Variants in ZBTB46 observed in about 807,000 individuals in gnomAD.
The protein encoded by ZBTB46 is zinc finger and BTB domain-containing protein 46.
In ZBTB46, 8 loss-of-function variants were observed where a neutral mutation model predicts 44.1. That is an observed-to-expected ratio of 0.18 (90% CI 0.11 to 0.33). The LOEUF is 0.33. ZBTB46 is among the 10% of genes least tolerant of loss of function. ZBTB46 has a pLI of 1.00. For missense variants in ZBTB46, 651 were observed against 847.7 expected (o/e 0.77, Z 2.88); for synonymous variants, 409 against 382.3 (o/e 1.07, Z -0.81).
At chr20:63,789,752 C>T (rs1411478944) in intron 2 of ZBTB46, 69 bp downstream of exon 2, 4 of 1,538,272 alleles carry the variant, frequency 2.6e-6, no homozygotes, top group African/African-American at 1.4e-5. Flanking sequence ...ACTGCCTCCG[C>T]ACAGCACGCG....
At chr20:63,813,732 A>T (rs1489526058) in intron 1 of ZBTB46, among the ~76,000 whole-genome samples, 1 of 152,160 alleles carries the variant, frequency 6.6e-6, no homozygotes, top group Non-Finnish European at 1.5e-5. Context: ...CAGGGACATC[A>T]CCACCCACAA....
At chr20:63,822,430 C>T (rs2092797393) in intron 1 of ZBTB46, among the ~76,000 whole-genome samples, 2 of 152,174 alleles carry the variant, frequency 1.3e-5, no homozygotes, top group East Asian at 3.8e-4. Flanking sequence ...AAAACCCAGC[C>T]CTGGGACTGA....
At chr20:63,807,710 T>C (rs976096308) in intron 1 of ZBTB46, among the ~76,000 whole-genome samples, 3 of 152,262 alleles carry the variant, frequency 2.0e-5, no homozygotes, top group Non-Finnish European at 4.4e-5. Context: ...ATAGAATCCC[T>C]AACCAGTTAC....
At chr20:63,806,365 T>C (rs1388347480) in intron 1 of ZBTB46, among the ~76,000 whole-genome samples, 3 of 141,892 alleles carry the variant, frequency 2.1e-5, no homozygotes, top group Non-Finnish European at 4.5e-5. Context: ...CGAGAACATA[T>C]CACTGCACTC....
chr20:63,783,199 G>A (rs1311388166), intron 2 of ZBTB46, among the ~76,000 whole-genome samples: 5 of 152,156 alleles, frequency 3.3e-5, no homozygotes, highest in Admixed American at 2.0e-4. Context: ...GGAGGCTGAG[G>A]TGGGTGGATC....
intron 3 of ZBTB46, among the ~76,000 whole-genome samples, chr20:63,763,391 T>C (rs1316727681): frequency 2.0e-5 from 3 of 152,220 alleles, no homozygotes; most frequent in Non-Finnish European, 2.9e-5. Context: ...AGAGGTTTGA[T>C]TGGCTCACGG....
chr20:63,817,093 G>A (rs1056013228), intron 1 of ZBTB46, among the ~76,000 whole-genome samples: 1 of 149,332 alleles, frequency 6.7e-6, no homozygotes, highest in African/African-American at 2.5e-5. Context: ...CAACAAGAGC[G>A]AAACTCAGTC....
chr20:63,766,884 G>A (rs1157199884), intron 3 of ZBTB46, among the ~76,000 whole-genome samples: 1 of 152,194 alleles, frequency 6.6e-6, no homozygotes, highest in Non-Finnish European at 1.5e-5. Context: ...TGGCCTGGGA[G>A]CGGGCTCCCC....
chr20:63,799,141 C>A (rs2092625155), intron 1 of ZBTB46, among the ~76,000 whole-genome samples: 1 of 151,492 alleles, frequency 6.6e-6, no homozygotes, highest in African/African-American at 2.4e-5. Flanking sequence ...AGCAATTCTC[C>A]CACCTCAGCC....
intron 1 of ZBTB46, among the ~76,000 whole-genome samples, chr20:63,830,879 C>G (rs1212321912): frequency 7.0e-6 from 1 of 142,448 alleles, no homozygotes; most frequent in African/African-American, 2.5e-5. Flanking sequence ...GGGGGCCGGG[C>G]CGGGGTCTCC....
intron 3 of ZBTB46, among the ~76,000 whole-genome samples, chr20:63,762,965 C>G (rs2092290431): frequency 6.6e-6 from 1 of 152,076 alleles, no homozygotes; most frequent in African/African-American, 2.4e-5. Context: ...GGGCTCAAGT[C>G]ATCTCCTGCC....
At chr20:63,801,652 G>GT (rs1395146267) in intron 1 of ZBTB46, among the ~76,000 whole-genome samples, 6 of 152,142 alleles carry the variant, frequency 3.9e-5, no homozygotes, top group Non-Finnish European at 7.3e-5. Context: ...CTTCACTCCT[G>GT]AAGCCAGCCA....
At chr20:63,771,095 C>T (rs1199262907) in intron 3 of ZBTB46, among the ~76,000 whole-genome samples, 1 of 152,144 alleles carries the variant, frequency 6.6e-6, no homozygotes, top group Non-Finnish European at 1.5e-5. Context: ...CCCTCCCAGG[C>T]CCTCTTCAGA....
chr20:63,788,067 T>A (rs1018331192), intron 2 of ZBTB46: 1 of 152,382 alleles, frequency 6.6e-6, no homozygotes, highest in African/African-American at 2.4e-5. Context: ...GGCTTCATCC[T>A]GGAGGAACCT....
In ZBTB46 at chr20:63,767,487, C is replaced by T. The variant is rs2092330166; in HGVS notation, c.1222+8191G>A. Among the ~76,000 whole-genome samples the T allele has an allele frequency of 6.6e-6, 1 of 152,174 alleles. No homozygotes were observed. The highest frequency in any genetic ancestry group is 6.5e-5 in the Admixed American group (1 of 15,280). ...ACAGCTCTCCGCAGATATCCCCCTC[C>T]GACGCGGCTGTTCGGTCACCCAGTT... On this transcript the variant is annotated intron_variant, in intron 3 of 4. Coordinates refer to ENST00000245663, the MANE Select transcript of ZBTB46 (RefSeq NM_001369741.1). The surrounding 1 kb of genome is among the most constrained non-coding windows in gnomAD (Gnocchi z 5.0).
intron 1 of ZBTB46, among the ~76,000 whole-genome samples, chr20:63,823,200 G>A (rs2092802090): frequency 6.7e-6 from 1 of 150,092 alleles, no homozygotes; most frequent in African/African-American, 2.5e-5. Flanking sequence ...AATAAAAATG[G>A]GAACAAAAGG....
chr20:63,780,966 TAAA>T (rs59209531), intron 2 of ZBTB46, among the ~76,000 whole-genome samples: 76,336 of 135,096 alleles, frequency 0.57, 20,570 homozygotes, highest in South Asian at 0.64. Flanking sequence ...CCATCTCTAC[TAAA>T]AAAAAAAAAA....
chr20:63,807,165 CAG>C (rs1313332057), intron 1 of ZBTB46, among the ~76,000 whole-genome samples: 8 of 152,184 alleles, frequency 5.3e-5, no homozygotes, highest in Middle Eastern at 3.4e-3. Flanking sequence ...TAGAGAGAGA[CAG>C]AGATGGACTT....
At chr20:63,768,512 C>T (rs1005280305) in intron 3 of ZBTB46, among the ~76,000 whole-genome samples, 3 of 152,006 alleles carry the variant, frequency 2.0e-5, no homozygotes, top group Admixed American at 6.6e-5. Context: ...GAGGCTGAGG[C>T]AGGAGAATCT....
Sources: gnomAD v4.1 joint callset for allele counts (sites outside exome capture counted in the v4.1 genomes callset) on GRCh38, gnomAD v4.1.1 for gene constraint, Gnocchi (gnomAD v3.1) non-coding constraint, MANE v1.5 for transcripts, NCBI Gene and HGNC (gene_info 2026-07-23, HGNC 2026-07-21) for gene names.